Variants in IKBKE observed in about 807,000 individuals in gnomAD.
IKBKE encodes the protein inhibitor of nuclear factor kappa B kinase subunit epsilon, also known as inhibitor of nuclear factor kappa-B kinase subunit epsilon.
In IKBKE, 45 loss-of-function variants were observed where a neutral mutation model predicts 92.1. The observed-to-expected ratio is 0.49, with a 90% CI of 0.38 to 0.63. The LOEUF (loss-of-function observed/expected upper bound fraction) is 0.63, where lower values mean the gene tolerates loss of function less well. IKBKE is among the 20% of genes least tolerant of loss of function. IKBKE has a pLI of 0.00. For missense variants in IKBKE, 700 were observed against 932.8 expected (o/e 0.75, Z 3.25); for synonymous variants, 374 against 380.3 (o/e 0.98, Z 0.19).
chr1:206,481,807 C>G (rs1397311582), intron 13 of IKBKE, among the ~76,000 whole-genome samples: 2 of 123,410 alleles, frequency 1.6e-5, no homozygotes, highest in Non-Finnish European at 3.2e-5. Context: ...TGAGACGGAG[C>G]CTCGCTCTGT....
Position 206,476,192 on chromosome 1 carries a change from A to G in IKBKE, c.370A>G (p.Asn124Asp). ...CCGTCTGTCCCCAGTGGCCGGCATG[A>G]ACCACCTGCGGGAGAACGGCATTGT... Reference protein sequence around the residue: ...VVLRCVVAGMNHLRENGIVHR... With the variant: ...VVLRCVVAGMDHLRENGIVHR... Residue 124 changes from asparagine to aspartate, a missense_variant, in exon 6 of 22, where the codon AAC becomes GAC. Coordinates refer to ENST00000581977, the MANE Select transcript of IKBKE (RefSeq NM_014002.4). This position sits in a 1 kb window ranked among gnomAD's most constrained non-coding sequence, Gnocchi z 5.1. 1 of 1,614,074 alleles carries G rather than the reference A, an allele frequency of 6.2e-7. No homozygotes were observed. The highest frequency in any genetic ancestry group is 8.5e-7 in the Non-Finnish European group (1 of 1,180,006).
intron 18 of IKBKE, chr1:206,492,048 T>G: frequency 8.8e-6 from 3 of 340,198 alleles, no homozygotes; most frequent in South Asian, 8.1e-5. Context: ...GGCTAGTAAG[T>G]GGCAGACCCA....
chr1:206,485,303 G>A lies in IKBKE; in HGVS notation c.1613G>A (p.Arg538Lys), dbSNP rs1665598728. The A allele has an allele frequency of 6.3e-7, 1 of 1,597,002 alleles. No homozygotes were observed. The change falls in exon 15 of 22, where the codon AGA (arginine) becomes AAA (lysine). Residue 538 changes from arginine (R) to lysine (K), a missense_variant. Transcript: ENST00000581977. The surrounding 1 kb of genome is among the most constrained non-coding windows in gnomAD (Gnocchi z 5.0). ...AGCCGGGATCAGGTACATGAGGACA[G>A]AAGGTCTGTGGGATTTTCCTTCTTT... ...VKSRDQVHED[R>K]SIQQIQCCLD...
chr1:206,484,601 T>C (rs1352792814), intron 13 of IKBKE, among the ~76,000 whole-genome samples: 1 of 152,228 alleles, frequency 6.6e-6, no homozygotes, highest in Admixed American at 6.5e-5. Context: ...CTACAAAATA[T>C]AGCTTTTCCC....
chr1:206,473,487 C>T (rs947530360), intron 3 of IKBKE, among the ~76,000 whole-genome samples, 173 bp downstream of exon 3: 14 of 152,226 alleles, frequency 9.2e-5, no homozygotes, highest in African/African-American at 2.4e-4. Flanking sequence ...GAGCTGAAAA[C>T]GGCTCCTTGA....
rs201246294 is a variant in IKBKE, at chr1:206,475,005, C to T, written c.358+11C>T. ...TGCTGCGCTGTGTGGGTGAGCCCCT[C>T]CCTGTCCCTGCCTCCACCCTCAGAC... On this transcript the variant is annotated intron_variant, in intron 5 of 21. Transcript: ENST00000581977. 3.7e-5 allele frequency: 60 copies of T among 1,613,450 alleles called. No homozygotes were observed. The highest frequency in any genetic ancestry group is 1.8e-4 in the Admixed American group (11 of 60,006).
intron 21 of IKBKE, among the ~76,000 whole-genome samples, chr1:206,494,684 A>G (rs553632952): frequency 7.4e-6 from 1 of 135,430 alleles, no homozygotes; most frequent in Non-Finnish European, 1.5e-5. Context: ...GCTCACTGCA[A>G]CCTCCATCTC....
intron 13 of IKBKE, among the ~76,000 whole-genome samples, 168 bp from the exon 14 acceptor site, chr1:206,484,829 C>T (rs1306543190): frequency 6.6e-6 from 1 of 152,178 alleles, no homozygotes; most frequent in East Asian, 1.9e-4. Context: ...GCAGGGCCCT[C>T]GTCAGGATGG....
rs1664755126 is a variant in IKBKE at position 206,471,197 on chromosome 1, A to T, written c.-81A>T. 1 of 151,164 alleles carries T rather than the reference A, an allele frequency of 6.6e-6. No individual in the cohort carries two copies. Among genetic ancestry groups the T allele is most frequent in the East Asian group, 2.0e-4 (1 of 5,112 alleles). 9.4% of individuals were successfully genotyped at this position (151,164 alleles called of 1,614,324 possible). ...GCCACAGACAGAAAGCATAACATAC[A>T]CTCGCCAGGAAGAGCCTTTGCCTGA... On this transcript the variant is annotated 5_prime_UTR_variant, in exon 2 of 22. Transcript: ENST00000581977.
At position 206,481,766 on chromosome 1, in the gene IKBKE, CTTTTTTTTTTTT is replaced by C. The variant is rs71152472; in HGVS notation, c.1427+1253_1427+1264del. On this transcript the variant is annotated intron_variant, in intron 13 of 21. Transcript: ENST00000581977. ...ACGGAGGCCTTCCTGAAGGATGAGG[CTTTTTTTTTTTT>C]TTTTTTTTTTTTTTTTTTTGAGACG... is the stretch of plus-strand genomic sequence containing the variant. Among the ~76,000 whole-genome samples, 150 of 46,554 alleles carry C rather than the reference CTTTTTTTTTTTT, an allele frequency of 3.2e-3. 1 individual carries two copies. The highest frequency in any genetic ancestry group is 0.012 in the African/African-American group (134 of 10,854). The allele number at this position is 46,554 out of a possible 152,430, so 30.5% of individuals were successfully genotyped here. A position where few individuals can be genotyped will look rare whatever the true frequency, so the allele number is the denominator to read the frequency against.
chr1:206,493,164 G>A, intron 19 of IKBKE, 45 bp downstream of exon 19: 4 of 1,565,460 alleles, frequency 2.6e-6, no homozygotes, highest in Non-Finnish European at 3.5e-6. Context: ...GATGCAGGCT[G>A]GGGCGCTTGT....
At chr1:206,480,684 C>T in intron 13 of IKBKE, 151 bp downstream of exon 13, 1 of 651,866 alleles carries the variant, frequency 1.5e-6, no homozygotes, top group Non-Finnish European at 2.8e-6. Context: ...GCACCCTATC[C>T]CTTATCCCCA....
intron 4 of IKBKE, 120 bp downstream of exon 4, chr1:206,474,591 G>C: frequency 9.1e-7 from 1 of 1,100,326 alleles, no homozygotes; most frequent in East Asian, 2.6e-5. Context: ...GAGACAGCAG[G>C]CAAATTGCAG....
chr1:206,491,632 T>C lies in IKBKE; in HGVS notation c.1734-16T>C. On this transcript the variant is annotated splice_polypyrimidine_tract_variant and intron_variant, in intron 17 of 21. Transcript: ENST00000581977. ...TTCTGGCAGCTCATCTGCACCTTGG[T>C]TCTCTGTCGTTCTAGGGTGAATTTC... 6.3e-7 allele frequency: 1 copy of C among 1,596,904 alleles called. No homozygotes were observed. The highest frequency in any genetic ancestry group is 1.7e-5 in the Admixed American group (1 of 59,898).
chr1:206,487,855 C>T lies in IKBKE; in HGVS notation c.1617-59C>T. ...TCCACTGCCACCCTTCCCCTCCCTC[C>T]CTCTTTCCTCTGTGCTATTAGATTC... On this transcript the variant is annotated intron_variant, in intron 15 of 21. Coordinates refer to ENST00000581977, the MANE Select transcript of IKBKE (RefSeq NM_014002.4). This position sits in a 1 kb window ranked among gnomAD's most constrained non-coding sequence, Gnocchi z 5.3. 1 of 1,400,058 alleles carries T rather than the reference C, an allele frequency of 7.1e-7. No individual in the cohort carries two copies. Among genetic ancestry groups the T allele is most frequent in the Non-Finnish European group, 1.0e-6 (1 of 995,458 alleles). The allele number at this position is 1,400,058 out of a possible 1,614,324, so 86.7% of individuals were successfully genotyped here. A position where few individuals can be genotyped will look rare whatever the true frequency, so the allele number is the denominator to read the frequency against.
Position 206,478,124 on chromosome 1 carries a change from C to T in IKBKE, c.813-36C>T, listed in dbSNP as rs11587552. On this transcript the variant is annotated intron_variant, in intron 8 of 21. Coordinates refer to ENST00000581977, the MANE Select transcript of IKBKE (RefSeq NM_014002.4). The surrounding 1 kb of genome is among the most constrained non-coding windows in gnomAD (Gnocchi z 4.8). ...TGCTTAAGGAGGATAGGTCTGGGCC[C>T]CCACCCCTGACAGTCTCCATGTCCT... 119,379 of 1,594,676 alleles carry T rather than the reference C, an allele frequency of 0.075. 4,911 individuals are homozygous for T. Among genetic ancestry groups the T allele is most frequent in the South Asian group, 0.094 (8,509 of 90,430 alleles).
In IKBKE at chr1:206,478,863, C is replaced by G; in HGVS notation, c.993-80C>G. 1.8e-6 allele frequency: 2 copies of G among 1,098,682 alleles called. No homozygotes were observed. Among genetic ancestry groups the G allele is most frequent in the South Asian group, 2.5e-5 (2 of 80,690 alleles). The allele number at this position is 1,098,682 out of a possible 1,614,324, so 68.1% of individuals were successfully genotyped here. A position where few individuals can be genotyped will look rare whatever the true frequency, so the allele number is the denominator to read the frequency against. ...AGCCCTGTCTATGGGCAACGCTTAG[C>G]TGGGGCTTAGGTCACCCTAGCCCCC... On this transcript the variant is annotated intron_variant, in intron 9 of 21. Transcript: ENST00000581977. The surrounding 1 kb of genome is among the most constrained non-coding windows in gnomAD (Gnocchi z 4.8).
intron 1 of IKBKE, 28 bp downstream of exon 1, chr1:206,470,726 G>A (rs1664730517): frequency 6.6e-6 from 1 of 152,622 alleles, no homozygotes; most frequent in Non-Finnish European, 1.5e-5. Context: ...GGAGGGGGGT[G>A]GGGGTGGAAT....
chr1:206,487,691 TGA>T lies in IKBKE; in HGVS notation c.1617-217_1617-216del, dbSNP rs1553389126. Among the ~76,000 whole-genome samples the T allele has an allele frequency of 6.6e-6, 1 of 152,098 alleles. No individual in the cohort carries two copies. The highest frequency in any genetic ancestry group is 1.9e-4 in the East Asian group (1 of 5,186). On this transcript the variant is annotated intron_variant, in intron 15 of 21. Coordinates refer to ENST00000581977, the MANE Select transcript of IKBKE (RefSeq NM_014002.4). This position sits in a 1 kb window ranked among gnomAD's most constrained non-coding sequence, Gnocchi z 5.3. Reference sequence around the variant, plus strand: ...AACTCATGCTGCGAGTGCATGTGTGTGAGAGAGGAAGAATAAGCCATGAGAAC... The same window carrying T: ...AACTCATGCTGCGAGTGCATGTGTGTGAGAGGAAGAATAAGCCATGAGAAC...
Sources: gnomAD v4.1 joint callset for allele counts (sites outside exome capture counted in the v4.1 genomes callset) on GRCh38, gnomAD v4.1.1 for gene constraint, Gnocchi (gnomAD v3.1) non-coding constraint, MANE v1.5 for transcripts, NCBI Gene and HGNC (gene_info 2026-07-23, HGNC 2026-07-21) for gene names.